The following RIMS1 variants were observed in gnomAD, a reference collection of about 807,000 sequenced individuals.
RIMS1 encodes the protein regulating synaptic membrane exocytosis 1, also known as regulating synaptic membrane exocytosis protein 1.
In RIMS1, 83 loss-of-function variants were observed where a neutral mutation model predicts 214.1. That is an observed-to-expected ratio of 0.39 (90% CI 0.32 to 0.47). The LOEUF (loss-of-function observed/expected upper bound fraction) is 0.47, where lower values mean the gene tolerates loss of function less well. Among genes scored for constraint, RIMS1 ranks in the 20% least tolerant of loss-of-function variants. RIMS1 has a pLI of 0.99. For missense variants in RIMS1, 2,050 were observed against 2,161.8 expected (o/e 0.95, Z 1.03); for synonymous variants, 793 against 786.8 (o/e 1.01, Z -0.13).
chr6:72,126,763 A>T, intron 4 of RIMS1: 1 of 108,796 alleles, frequency 9.2e-6, no homozygotes, highest in Non-Finnish European at 2.1e-5. Context: ...TAAAAAGTTA[A>T]AAAAAAAAAA....
At position 72,401,461 on chromosome 6, in the gene RIMS1, A is replaced by C. The variant is rs994445099; in HGVS notation, c.*747A>C. The C allele has an allele frequency of 6.6e-6, 1 of 152,608 alleles. No homozygotes were observed. Among genetic ancestry groups the C allele is most frequent in the African/African-American group, 2.4e-5 (1 of 41,456 alleles). 9.5% of individuals were successfully genotyped at this position (152,608 alleles called of 1,614,324 possible). On this transcript the variant is annotated 3_prime_UTR_variant, in exon 34 of 34. Transcript: ENST00000521978. Reference sequence around the variant, plus strand: ...AAGTTATCTTCCAAAATAAATAATCACAGAAGTACTTTTTTAATGAAGAGC... The same window carrying C: ...AAGTTATCTTCCAAAATAAATAATCCCAGAAGTACTTTTTTAATGAAGAGC...
At chr6:72,329,064 C>T (rs772079404) in intron 28 of RIMS1, among the ~76,000 whole-genome samples, 4 of 151,710 alleles carry the variant, frequency 2.6e-5, no homozygotes, top group Non-Finnish European at 5.9e-5. Context: ...GCATAGAAAA[C>T]CAGAGTCAGA....
chr6:71,895,899 T>G (rs1355686564), intron 1 of RIMS1, among the ~76,000 whole-genome samples: 1 of 152,180 alleles, frequency 6.6e-6, no homozygotes, highest in East Asian at 1.9e-4. Context: ...GAAAGATTAC[T>G]TAGCGTATTG....
intron 22 of RIMS1, among the ~76,000 whole-genome samples, chr6:72,273,683 A>G (rs2084647283): frequency 6.6e-6 from 1 of 152,192 alleles, no homozygotes; most frequent in African/African-American, 2.4e-5. Context: ...TTATCATTTC[A>G]TGTATCTATG....
rs546657943 is a variant in RIMS1, at chr6:72,377,753, C to A, written c.4367-12845C>A. 4.6e-5 allele frequency among the ~76,000 whole-genome samples: 7 copies of A among 152,172 alleles called. No individual in the cohort carries two copies. The South Asian group carries it at 1.5e-3, about 32-fold the overall frequency. The stretch of plus-strand genomic sequence containing the variant: ...TTGTTCTTAGGAAATCATGGCCAAT[C>A]CTGATATGATCAATGTATACAACTA... On this transcript the variant is annotated intron_variant, in intron 29 of 33. Transcript: ENST00000521978.
intron 28 of RIMS1, among the ~76,000 whole-genome samples, chr6:72,319,778 T>C (rs1472175455): frequency 6.6e-6 from 1 of 152,076 alleles, no homozygotes; most frequent in Admixed American, 6.6e-5. Flanking sequence ...ACATGATTCC[T>C]AGATCTATGT....
rs186879256 is a variant in RIMS1, at chr6:72,162,028, C to T, written c.472-17547C>T. Among the ~76,000 whole-genome samples the T allele has an allele frequency of 1.3e-3, 177 of 140,590 alleles. 11 individuals are homozygous for T. The highest frequency in any genetic ancestry group is 4.1e-3 in the African/African-American group (166 of 40,676). 92.2% of individuals were successfully genotyped at this position (140,590 alleles called of 152,430 possible). A position where few individuals can be genotyped will look rare whatever the true frequency, so the allele number is the denominator to read the frequency against. ...TATTATTGTATGGGAGTCTAAGTCT[C>T]TTTGTAGGTGTCTAAGGACTTGCCT... On this transcript the variant is annotated intron_variant, in intron 4 of 33. Transcript: ENST00000521978.
At chr6:72,058,459 C>G (rs1288698999) in intron 2 of RIMS1, among the ~76,000 whole-genome samples, 1 of 152,164 alleles carries the variant, frequency 6.6e-6, no homozygotes, top group East Asian at 1.9e-4. Flanking sequence ...TTTGGAAGCC[C>G]CTCTGGGGTT....
intron 2 of RIMS1, among the ~76,000 whole-genome samples, chr6:72,085,426 T>C (rs1834414599): frequency 6.6e-6 from 1 of 152,170 alleles, no homozygotes. Context: ...AAATTGTAAG[T>C]TTTAAACAGT....
chr6:72,226,064 T>C (rs2060079902), intron 6 of RIMS1, among the ~76,000 whole-genome samples: 1 of 152,146 alleles, frequency 6.6e-6, no homozygotes, highest in Non-Finnish European at 1.5e-5. Context: ...TACAGTATGG[T>C]CTAGATTTCT....
At chr6:72,004,640 ATG>A (rs1247607575) in intron 2 of RIMS1, among the ~76,000 whole-genome samples, 1 of 151,522 alleles carries the variant, frequency 6.6e-6, no homozygotes, top group Non-Finnish European at 1.5e-5. Context: ...GCATTTTTTC[ATG>A]TGTCTTTTGG....
At chr6:72,038,118 A>AATATATAT (rs70994111) in intron 2 of RIMS1, among the ~76,000 whole-genome samples, 214 of 13,396 alleles carry the variant, frequency 0.016, 3 homozygotes, top group South Asian at 0.034. Flanking sequence ...AAAAAAAAAA[A>AATATATAT]ATATATATAT....
intron 28 of RIMS1, among the ~76,000 whole-genome samples, chr6:72,327,954 C>A (rs1369279009): frequency 2.6e-5 from 4 of 151,730 alleles, no homozygotes; most frequent in Non-Finnish European, 4.4e-5. Flanking sequence ...TCAATCAGAA[C>A]AGAAGTTCTA....
At chr6:72,119,807 C>T (rs1203343390) in intron 4 of RIMS1, among the ~76,000 whole-genome samples, 2 of 151,674 alleles carry the variant, frequency 1.3e-5, no homozygotes, top group East Asian at 1.9e-4. Context: ...CCCCCACTCC[C>T]CCAACCCCAC....
intron 4 of RIMS1, among the ~76,000 whole-genome samples, chr6:72,128,179 G>T (rs529395866): frequency 1.1e-4 from 16 of 152,248 alleles, no homozygotes; most frequent in East Asian, 1.9e-4. Context: ...CAAACAGATG[G>T]CTCCAGGTCC....
At chr6:72,306,149 CAT>C (rs2095137831) in intron 26 of RIMS1, among the ~76,000 whole-genome samples, 1 of 152,056 alleles carries the variant, frequency 6.6e-6, no homozygotes, top group Non-Finnish European at 1.5e-5. Context: ...GTCAATCAAA[CAT>C]ATCAACATTT....
intron 4 of RIMS1, among the ~76,000 whole-genome samples, chr6:72,118,727 T>C (rs2037598320): frequency 6.6e-6 from 1 of 151,702 alleles, no homozygotes; most frequent in Admixed American, 6.6e-5. Flanking sequence ...AAAAATCATA[T>C]GATTATCTCA....
chr6:72,161,688 G>A (rs1402277939), intron 4 of RIMS1, among the ~76,000 whole-genome samples: 1 of 140,144 alleles, frequency 7.1e-6, no homozygotes, highest in African/African-American at 2.5e-5. Context: ...ATCCATGTAG[G>A]TGAGCGGTTT....
At chr6:72,144,099 A>G (rs1483995317) in intron 4 of RIMS1, among the ~76,000 whole-genome samples, 2 of 152,308 alleles carry the variant, frequency 1.3e-5, no homozygotes, top group African/African-American at 2.4e-5. Flanking sequence ...CTAAAGCAGC[A>G]TATCATTATT....
Sources: gnomAD v4.1 joint callset for allele counts (sites outside exome capture counted in the v4.1 genomes callset) on GRCh38, gnomAD v4.1.1 for gene constraint, MANE v1.5 for transcripts, NCBI Gene and HGNC (gene_info 2026-07-23, HGNC 2026-07-21) for gene names.